Variants in SCARA3 observed in about 807,000 individuals in gnomAD.
The protein encoded by SCARA3 is scavenger receptor class A member 3, also known as cellular stress response gene protein.
Under a neutral mutation model 47.0 loss-of-function variants are expected in SCARA3, and 39 were observed. That is an observed-to-expected ratio of 0.83 (90% CI 0.64 to 1.08). SCARA3 has a LOEUF of 1.08. SCARA3 is among the 50% of genes least tolerant of loss of function. The pLI is 0.00. For missense variants in SCARA3, 724 were observed against 792.3 expected, an observed-to-expected ratio of 0.91 and a Z score of 1.04; for synonymous variants, 356 against 334.1, an observed-to-expected ratio of 1.07 and a Z score of -0.71.
In SCARA3 at chr8:27,644,074, TAAA is replaced by T. The variant is rs564004725; in HGVS notation, c.8-5618_8-5616del. Among the ~76,000 whole-genome samples, 711 of 144,982 alleles carry T rather than the reference TAAA, an allele frequency of 4.9e-3. 3 individuals are homozygous for T. Among genetic ancestry groups the T allele is most frequent in the African/African-American group, 0.017 (679 of 39,722 alleles). On this transcript the variant is annotated intron_variant, in intron 1 of 5. Coordinates refer to ENST00000301904, the MANE Select transcript of SCARA3 (RefSeq NM_016240.3). The stretch of plus-strand genomic sequence containing the variant: ...CTACGTGGCTCTGTGAGAGCAGACT[TAAA>T]AAAAAAAAAGGAATTTCTCCTCTTG...
rs548610540 is a variant in SCARA3, at chr8:27,671,708, A to C, written c.*357A>C. ...TGCACACATACACAGGCACACATGC[A>C]TGCACACATACACATGCACACACAC... On this transcript the variant is annotated 3_prime_UTR_variant, in exon 6 of 6. Coordinates refer to ENST00000301904, the MANE Select transcript of SCARA3 (RefSeq NM_016240.3). 3 of 1,066,086 alleles carry C rather than the reference A, an allele frequency of 2.8e-6. No homozygotes were observed. Among genetic ancestry groups the C allele is most frequent in the Non-Finnish European group, 3.4e-6 (3 of 880,870 alleles). The allele number at this position is 1,066,086 out of a possible 1,614,324, so 66.0% of individuals were successfully genotyped here.
At chr8:27,662,844 A>G (rs2128922043) in intron 5 of SCARA3, among the ~76,000 whole-genome samples, 1 of 152,340 alleles carries the variant, frequency 6.6e-6, no homozygotes, top group South Asian at 2.1e-4. Context: ...TCATGAGCCC[A>G]TTGGGCAATG....
At chr8:27,718,644 G>T in the SCARA3 span, among the ~76,000 whole-genome samples, 1 of 152,198 alleles carries the variant, frequency 6.6e-6, no homozygotes, top group Non-Finnish European at 1.5e-5. Context: ...ATTCATTCAG[G>T]CCACAAAAGA....
downstream of SCARA3, among the ~76,000 whole-genome samples, chr8:27,681,775 G>T (rs1412534899): frequency 6.6e-6 from 1 of 152,166 alleles, no homozygotes; most frequent in Non-Finnish European, 1.5e-5. Context: ...ATTGCTGAAA[G>T]AAATTTTTAA....
the SCARA3 span, among the ~76,000 whole-genome samples, chr8:27,731,100 TC>T: frequency 1.7e-4 from 25 of 148,766 alleles, no homozygotes; most frequent in African/African-American, 3.9e-4. Flanking sequence ...ATCTTTTTTT[TC>T]TTTTTTTTTT....
the SCARA3 span, among the ~76,000 whole-genome samples, chr8:27,705,318 C>T: frequency 1.3e-5 from 2 of 152,190 alleles, no homozygotes; most frequent in Non-Finnish European, 2.9e-5. Context: ...AAAGCAGCTG[C>T]GGGACCTTGG....
chr8:27,671,476 G>A lies in SCARA3; in HGVS notation c.*125G>A. ...GATTCCAATGAGGGGGCTCCCCAGG[G>A]CTGACCCTGCAGCTTTGGGCTCCCC... On this transcript the variant is annotated 3_prime_UTR_variant, in exon 6 of 6. Transcript: ENST00000301904. 1.5e-6 allele frequency: 2 copies of A among 1,312,574 alleles called. No individual in the cohort carries two copies. 81.3% of individuals were successfully genotyped at this position (1,312,574 alleles called of 1,614,324 possible).
At chr8:27,717,637 T>C in the SCARA3 span, among the ~76,000 whole-genome samples, 1 of 151,876 alleles carries the variant, frequency 6.6e-6, no homozygotes, top group Non-Finnish European at 1.5e-5. Flanking sequence ...ATACAAAAAT[T>C]AGTCAGGTGT....
At chr8:27,731,742 T>C in the SCARA3 span, among the ~76,000 whole-genome samples, 1 of 151,882 alleles carries the variant, frequency 6.6e-6, no homozygotes, top group African/African-American at 2.4e-5. Flanking sequence ...TAAAAGCAAT[T>C]CCAGTTTTGA....
chr8:27,673,615 AT>A (rs1230769991), downstream of SCARA3, among the ~76,000 whole-genome samples: 7 of 152,152 alleles, frequency 4.6e-5, no homozygotes, highest in Non-Finnish European at 8.8e-5. Context: ...GGGGCCAAAC[AT>A]GGCTGCCTCA....
intron 1 of SCARA3, among the ~76,000 whole-genome samples, chr8:27,636,421 G>A (rs551925): frequency 0.059 from 8,986 of 152,226 alleles, 373 homozygotes; most frequent in Middle Eastern, 0.11. Context: ...GGGCAACAGA[G>A]TGAGACCCTG....
downstream of SCARA3, among the ~76,000 whole-genome samples, chr8:27,673,353 C>T (rs1802211377): frequency 6.6e-6 from 1 of 152,242 alleles, no homozygotes; most frequent in Non-Finnish European, 1.5e-5. Flanking sequence ...CTTTTGTCTC[C>T]AAGACAAGGA....
At chr8:27,661,018 T>C (rs1801903142) in intron 5 of SCARA3, among the ~76,000 whole-genome samples, 1 of 152,198 alleles carries the variant, frequency 6.6e-6, no homozygotes, top group African/African-American at 2.4e-5. Flanking sequence ...CCCTCTTACT[T>C]GGGGGAGGCT....
chr8:27,658,930 G>C lies in SCARA3; in HGVS notation c.760G>C (p.Asp254His), dbSNP rs150039603. 3.1e-6 allele frequency: 5 copies of C among 1,613,956 alleles called. No individual in the cohort carries two copies. Among genetic ancestry groups the C allele is most frequent in the Non-Finnish European group, 4.2e-6 (5 of 1,180,034 alleles). ...CCTGACCCTCCAGAAGATTGTCACC[G>C]ACTGGCAGAACTACACACGGCTCTT... ...ETLTLQKIVTDWQNYTRLFSG... is the reference protein window; with the variant it reads ...ETLTLQKIVTHWQNYTRLFSG... Residue 254 changes from aspartate to histidine, a missense_variant, in exon 5 of 6, where the codon GAC (aspartate) becomes CAC (histidine). Asp to His is a moderately conservative substitution (Grantham distance 81, BLOSUM62 -1). Transcript: ENST00000301904.
chr8:27,691,047 G>A, the SCARA3 span, among the ~76,000 whole-genome samples: 72 of 152,284 alleles, frequency 4.7e-4, no homozygotes, highest in Non-Finnish European at 7.4e-4. Context: ...CCTGGTAATA[G>A]CATCTGCCTT....
rs1470496120 is a variant in SCARA3, at chr8:27,634,768, A to C, written c.7+561A>C. Reference sequence around the variant, plus strand: ...CCTCCTTGGGAGGAAGCCGCCGGGGAAGCCCCATGGGCCAGGACTGACCTC... The same window carrying C: ...CCTCCTTGGGAGGAAGCCGCCGGGGCAGCCCCATGGGCCAGGACTGACCTC... On this transcript the variant is annotated intron_variant, in intron 1 of 5. Coordinates refer to ENST00000301904, the MANE Select transcript of SCARA3 (RefSeq NM_016240.3). Among the ~76,000 whole-genome samples, 2 of 152,176 alleles carry C rather than the reference A, an allele frequency of 1.3e-5. 1 individual carries two copies. Among genetic ancestry groups the C allele is most frequent in the South Asian group, 4.1e-4 (2 of 4,834 alleles).
the SCARA3 span, among the ~76,000 whole-genome samples, chr8:27,721,532 C>G: frequency 6.6e-6 from 1 of 152,048 alleles, no homozygotes; most frequent in Non-Finnish European, 1.5e-5. Context: ...TGTCCATGAA[C>G]AAGGGTTTTT....
the SCARA3 span, among the ~76,000 whole-genome samples, chr8:27,731,106 T>C: frequency 4.2e-4 from 62 of 149,392 alleles, no homozygotes; most frequent in African/African-American, 1.3e-3. Flanking sequence ...TTTTTCTTTT[T>C]TTTTTTTTAA....
At chr8:27,729,992 C>G in the SCARA3 span, among the ~76,000 whole-genome samples, 1 of 152,012 alleles carries the variant, frequency 6.6e-6, no homozygotes, top group Non-Finnish European at 1.5e-5. Context: ...GTGCCAGGGC[C>G]CTGGGAAGCT....
Sources: gnomAD v4.1 joint callset for allele counts (sites outside exome capture counted in the v4.1 genomes callset) on GRCh38, gnomAD v4.1.1 for gene constraint, MANE v1.5 for transcripts, NCBI Gene and HGNC (gene_info 2026-07-23, HGNC 2026-07-21) for gene names.